Variants in PHF20L1 observed in about 807,000 individuals in gnomAD.
PHF20L1 encodes PHD finger protein 20-like protein 1.
PHF20L1 carries 44 observed loss-of-function variants against 125.5 expected under a neutral mutation model. The observed-to-expected ratio is 0.35, with a 90% confidence interval of 0.28 to 0.45. The LOEUF is 0.45. Ranked by LOEUF, PHF20L1 falls within the 20% of genes least tolerant of loss-of-function variation. The pLI, the probability that PHF20L1 is intolerant of heterozygous loss-of-function variation, is 1.00. For synonymous variants in PHF20L1, 380 were observed against 403.1 expected (o/e 0.94, Z 0.69); for missense variants, 1,012 against 1,217.2 (o/e 0.83, Z 2.51).
Position 132,842,833 on chromosome 8 carries a change from C to T in PHF20L1, c.2706C>T (p.Asn902=), listed in dbSNP as rs376777180. The T allele has an allele frequency of 1.1e-4, 171 of 1,612,440 alleles. No individual in the cohort carries two copies. The highest frequency in any genetic ancestry group is 1.4e-4 in the Non-Finnish European group (164 of 1,178,854). The part of the protein sequence containing the change: ...EEQEFHMRSK[N]SLQYSAKEHG... Reference sequence around the variant, plus strand: ...AAGAATTCCACATGAGAAGTAAAAACAGTTTACAGTACTCAGCAAAAGAAC... The same window carrying T: ...AAGAATTCCACATGAGAAGTAAAAATAGTTTACAGTACTCAGCAAAAGAAC... The change falls in exon 19 of 21, where the codon AAC becomes AAT. Residue 902 remains asparagine (N), a synonymous_variant. Transcript: ENST00000395386.
intron 19 of PHF20L1, 48 bp from the exon 20 acceptor site, chr8:132,844,108 A>G (rs755227982): frequency 8.0e-5 from 128 of 1,606,232 alleles, no homozygotes; most frequent in Admixed American, 6.7e-5. Flanking sequence ...CAATGACTGC[A>G]TTTCATCCCG....
At chr8:132,834,845 A>G in intron 15 of PHF20L1, among the ~76,000 whole-genome samples, 1 of 151,952 alleles carries the variant, frequency 6.6e-6, no homozygotes. Context: ...GAATATTTTC[A>G]GATATTTCTT....
chr8:132,807,531 A>G, intron 8 of PHF20L1: 1 of 272,782 alleles, frequency 3.7e-6, no homozygotes, highest in South Asian at 3.5e-5. Context: ...AAATCCTGAA[A>G]TTTGAATTGA....
chr8:132,804,781 A>G, intron 8 of PHF20L1, 41 bp downstream of exon 8: 1 of 1,533,392 alleles, frequency 6.5e-7, no homozygotes, highest in Non-Finnish European at 8.9e-7. Flanking sequence ...GGGAAATGGA[A>G]GGTTTAATTT....
At chr8:132,797,966 G>A (rs1414206435) in intron 4 of PHF20L1, among the ~76,000 whole-genome samples, 1 of 151,982 alleles carries the variant, frequency 6.6e-6, no homozygotes, top group African/African-American at 2.4e-5. Context: ...TCCTTAAGTA[G>A]GCATTATACA....
Position 132,794,488 on chromosome 8 carries a change from T to C in PHF20L1, c.162T>C (p.Tyr54=), listed in dbSNP as rs375014306. 28 of 1,610,374 alleles carry C rather than the reference T, an allele frequency of 1.7e-5. No individual in the cohort carries two copies. The highest frequency in any genetic ancestry group is 2.2e-5 in the East Asian group (1 of 44,854). ...LVHFERWSHR[Y]DEWIYWDSNR... ...ATTTTGAGCGCTGGAGTCATCGTTA[T>C]GATGAGTGGATTTACTGGGATAGCA... is the stretch of plus-strand genomic sequence containing the variant. Residue 54 remains tyrosine (Y), a synonymous_variant, in exon 3 of 21, where the codon TAT becomes TAC. Transcript: ENST00000395386.
At chr8:132,779,781 C>A (rs1050144781) in intron 2 of PHF20L1, among the ~76,000 whole-genome samples, 1 of 152,108 alleles carries the variant, frequency 6.6e-6, no homozygotes, top group Non-Finnish European at 1.5e-5. Flanking sequence ...CTTTTAAAAC[C>A]ATGCTTGAAT....
chr8:132,843,933 A>G, intron 19 of PHF20L1: 1 of 985,172 alleles, frequency 1.0e-6, no homozygotes, highest in African/African-American at 1.7e-5. Context: ...TTGCCTGTGT[A>G]GCACCATGCG....
At chr8:132,815,019 G>C (rs1834796304) in intron 10 of PHF20L1, 130 bp downstream of exon 10, 3 of 644,392 alleles carry the variant, frequency 4.7e-6, no homozygotes, top group Non-Finnish European at 7.7e-6. Context: ...GGGAAGGCTT[G>C]AAACTATTTC....
rs547543763 is a variant in PHF20L1 at position 132,843,338 on chromosome 8, A to G, written c.2748+463A>G. On this transcript the variant is annotated intron_variant, in intron 19 of 20. Coordinates refer to ENST00000395386, the MANE Select transcript of PHF20L1 (RefSeq NM_016018.5). The stretch of plus-strand genomic sequence containing the variant: ...CAGTAAGGTGAATTCTGACAGATCT[A>G]TGTGCATTGGACATCTATAAACTTA... 8.6e-5 allele frequency: 84 copies of G among 981,082 alleles called. No individual in the cohort carries two copies. The South Asian group carries it at 3.4e-3, about 40-fold the overall frequency. The allele number at this position is 981,082 out of a possible 1,614,324, so 60.8% of individuals were successfully genotyped here.
At chr8:132,800,675 A>C (rs766029697) in intron 6 of PHF20L1, among the ~76,000 whole-genome samples, 7 of 151,882 alleles carry the variant, frequency 4.6e-5, no homozygotes, top group African/African-American at 7.2e-5. Context: ...ACTTTTGTAT[A>C]TGCAAACCTC....
In PHF20L1 at chr8:132,846,013, C is replaced by T; in HGVS notation, c.*90C>T. On this transcript the variant is annotated 3_prime_UTR_variant, in exon 21 of 21. Coordinates refer to ENST00000395386, the MANE Select transcript of PHF20L1 (RefSeq NM_016018.5). The stretch of plus-strand genomic sequence containing the variant: ...GATGGCTAAGTGGATAATTTAAAAG[C>T]TTAGTAATGTCTGGTCATTCACTGA... 1.0e-6 allele frequency: 1 copy of T among 968,204 alleles called. No homozygotes were observed. The allele number at this position is 968,204 out of a possible 1,614,324, so 60.0% of individuals were successfully genotyped here.
At chr8:132,843,336 C>A in intron 19 of PHF20L1, 1 of 981,360 alleles carries the variant, frequency 1.0e-6, no homozygotes, top group Non-Finnish European at 1.2e-6. Flanking sequence ...TCTGACAGAT[C>A]TATGTGCATT....
intron 12 of PHF20L1, among the ~76,000 whole-genome samples, chr8:132,822,179 A>C (rs981155835): frequency 6.6e-6 from 1 of 151,980 alleles, no homozygotes; most frequent in African/African-American, 2.4e-5. Flanking sequence ...CACTAGAACA[A>C]GTAAAAACAG....
rs143369109 is a variant in PHF20L1 at position 132,789,593 on chromosome 8, G to A, written c.84-4817G>A. Among the ~76,000 whole-genome samples, 143 of 152,226 alleles carry A rather than the reference G, an allele frequency of 9.4e-4. 1 individual carries two copies. The highest frequency in any genetic ancestry group is 3.5e-3 in the Admixed American group (53 of 15,288). On this transcript the variant is annotated intron_variant, in intron 2 of 20. Transcript: ENST00000395386. ...TCCATTAAGCCAAATAAACAATGAA[G>A]AATCCATTTTAGAGTGAATTATTTT...
chr8:132,780,015 G>C (rs907706548), intron 2 of PHF20L1, among the ~76,000 whole-genome samples: 2 of 152,052 alleles, frequency 1.3e-5, no homozygotes, highest in Non-Finnish European at 2.9e-5. Flanking sequence ...ACTGAAACTT[G>C]TTATCAGTTT....
intron 2 of PHF20L1, among the ~76,000 whole-genome samples, chr8:132,789,499 A>G (rs532213261): frequency 6.6e-6 from 1 of 152,306 alleles, no homozygotes; most frequent in East Asian, 1.9e-4. Flanking sequence ...AGAATTGAGT[A>G]TGTGAAAATT....
chr8:132,833,899 G>A (rs1837057727), intron 15 of PHF20L1, among the ~76,000 whole-genome samples: 1 of 152,114 alleles, frequency 6.6e-6, no homozygotes, highest in Non-Finnish European at 1.5e-5. Context: ...CAGAGAGTGT[G>A]TTAAAACACA....
intron 14 of PHF20L1, among the ~76,000 whole-genome samples, chr8:132,831,999 G>A (rs529843531): frequency 6.6e-6 from 1 of 152,000 alleles, no homozygotes; most frequent in Non-Finnish European, 1.5e-5. Context: ...AAGTTTACAG[G>A]TACCAGTTAG....
Sources: gnomAD v4.1 joint callset for allele counts (sites outside exome capture counted in the v4.1 genomes callset) on GRCh38, gnomAD v4.1.1 for gene constraint, MANE v1.5 for transcripts, NCBI Gene and HGNC (gene_info 2026-07-23, HGNC 2026-07-21) for gene names.